The following GRM3 variants were observed in gnomAD, a reference collection of about 807,000 sequenced individuals.
GRM3 encodes the protein metabotropic glutamate receptor 3.
In GRM3, 26 loss-of-function variants were observed where a neutral mutation model predicts 70.5. The observed-to-expected ratio is 0.37, with a 90% CI of 0.27 to 0.51. The LOEUF (loss-of-function observed/expected upper bound fraction) is 0.51, where lower values mean the gene tolerates loss of function less well. GRM3 is among the 20% of genes least tolerant of loss of function. The probability of loss-of-function intolerance (pLI) is 0.93; values close to 1 mark genes in which losing one functional copy is unlikely to be tolerated. For missense variants in GRM3, 859 were observed against 1,123.8 expected, an observed-to-expected ratio of 0.76 and a Z score of 3.37; for synonymous variants, 443 against 434.9, an observed-to-expected ratio of 1.02 and a Z score of -0.23.
intron 3 of GRM3, among the ~76,000 whole-genome samples, chr7:86,812,324 G>A (rs1376486549): frequency 1.3e-5 from 2 of 151,742 alleles, no homozygotes; most frequent in Non-Finnish European, 3.0e-5. Flanking sequence ...GGCAAGGCAA[G>A]GGATTGCCTG....
intron 4 of GRM3, among the ~76,000 whole-genome samples, chr7:86,849,209 C>T (rs1372758351): frequency 6.6e-6 from 1 of 152,020 alleles, no homozygotes; most frequent in East Asian, 1.9e-4. Context: ...ACAAATTGTC[C>T]CAGATTCAGA....
chr7:86,720,829 CTA>C (rs1419800198), intron 1 of GRM3, among the ~76,000 whole-genome samples: 1 of 152,000 alleles, frequency 6.6e-6, no homozygotes, highest in African/African-American at 2.4e-5. Flanking sequence ...AAGCACCTAA[CTA>C]TGGAGCAAGC....
At chr7:86,824,549 G>A (rs765443735) in intron 3 of GRM3, among the ~76,000 whole-genome samples, 23 of 152,118 alleles carry the variant, frequency 1.5e-4, no homozygotes, top group Non-Finnish European at 2.6e-4. Flanking sequence ...AGAGGAGTGG[G>A]TTTCAGGAAC....
At chr7:86,646,897 G>A (rs1288405419) in intron 1 of GRM3, among the ~76,000 whole-genome samples, 2 of 152,108 alleles carry the variant, frequency 1.3e-5, no homozygotes, top group East Asian at 3.9e-4. Flanking sequence ...TTAAAAAGTT[G>A]TGGTATACAT....
chr7:86,839,737 T>C lies in GRM3; in HGVS notation c.2223T>C (p.Leu741=), dbSNP rs1008140574. The C allele has an allele frequency of 6.2e-7, 1 of 1,614,122 alleles. No individual in the cohort carries two copies. The highest frequency in any genetic ancestry group is 1.6e-4 in the Middle Eastern group (1 of 6,062). The change falls in exon 4 of 6, where the codon CTT becomes CTC. Residue 741 remains leucine, a synonymous_variant. Coordinates refer to ENST00000361669, the MANE Select transcript of GRM3 (RefSeq NM_000840.3). This position sits in a 1 kb window ranked among gnomAD's most constrained non-coding sequence, Gnocchi z 4.5. ...AAGATTCCAGCATGTTGATCTCTCT[T>C]ACCTACGATGTGATCCTGGTGATCT... The part of the protein sequence containing the change: ...NVKDSSMLIS[L]TYDVILVILC...
chr7:86,676,559 A>G (rs948102374), intron 1 of GRM3, among the ~76,000 whole-genome samples: 13 of 152,064 alleles, frequency 8.5e-5, no homozygotes, highest in Non-Finnish European at 1.8e-4. Flanking sequence ...ATTTAATGGT[A>G]TAATCAGTGA....
intron 1 of GRM3, among the ~76,000 whole-genome samples, chr7:86,737,656 A>C (rs1584203889): frequency 6.6e-6 from 1 of 152,186 alleles, no homozygotes; most frequent in African/African-American, 2.4e-5. Context: ...AATACATCTG[A>C]AAAAAATTAT....
chr7:86,783,924 AT>A, intron 2 of GRM3, among the ~76,000 whole-genome samples: 1 of 152,326 alleles, frequency 6.6e-6, no homozygotes, highest in Admixed American at 6.5e-5. Flanking sequence ...AACTCACCAA[AT>A]GTGCCTCCTT....
intron 1 of GRM3, among the ~76,000 whole-genome samples, chr7:86,676,055 A>G (rs1455653579): frequency 6.6e-6 from 1 of 151,652 alleles, no homozygotes; most frequent in Non-Finnish European, 1.5e-5. Context: ...GTATTGTCCT[A>G]TTAGGGGAAC....
intron 1 of GRM3, among the ~76,000 whole-genome samples, chr7:86,669,412 T>C (rs976567321): frequency 2.6e-5 from 4 of 152,214 alleles, no homozygotes; most frequent in South Asian, 2.1e-4. Context: ...TGCTCAGACA[T>C]GTCCATAATC....
intron 4 of GRM3, among the ~76,000 whole-genome samples, chr7:86,841,642 A>C (rs1798561373): frequency 6.6e-6 from 1 of 152,152 alleles, no homozygotes; most frequent in East Asian, 1.9e-4. Flanking sequence ...TCCTGGACAT[A>C]TGATTTGAAA....
At chr7:86,845,096 G>T (rs997669442) in intron 4 of GRM3, among the ~76,000 whole-genome samples, 1 of 151,972 alleles carries the variant, frequency 6.6e-6, no homozygotes, top group African/African-American at 2.4e-5. Context: ...CACCATGTTG[G>T]CCAGGCTGGT....
intron 3 of GRM3, among the ~76,000 whole-genome samples, chr7:86,810,200 C>A (rs1359054101): frequency 6.6e-6 from 1 of 151,956 alleles, no homozygotes; most frequent in Non-Finnish European, 1.5e-5. Context: ...GGATGGTTTA[C>A]TCAATCTCAT....
At position 86,864,446 on chromosome 7, in the gene GRM3, C is replaced by T; in HGVS notation, c.*91C>T. On this transcript the variant is annotated 3_prime_UTR_variant, in exon 6 of 6. Transcript: ENST00000361669. ...AGAATATGGAAACAGAGCAAAAGAA[C>T]AACCCTAGTACCTTTTTTTAGAAAC... 2 of 886,574 alleles carry T rather than the reference C, an allele frequency of 2.3e-6. No homozygotes were observed. Among genetic ancestry groups the T allele is most frequent in the South Asian group, 1.3e-5 (1 of 76,498 alleles). 54.9% of individuals were successfully genotyped at this position (886,574 alleles called of 1,614,324 possible).
intron 1 of GRM3, among the ~76,000 whole-genome samples, chr7:86,655,861 G>T (rs199669760): frequency 0.015 from 2,051 of 141,292 alleles, 53 homozygotes; most frequent in African/African-American, 0.049. Context: ...TGGGTGGGTG[G>T]GTGTGTGTGT....
chr7:86,683,017 C>T (rs1346187245), intron 1 of GRM3, among the ~76,000 whole-genome samples: 1 of 152,112 alleles, frequency 6.6e-6, no homozygotes, highest in African/African-American at 2.4e-5. Context: ...CAGATTTGAA[C>T]TGAACAAATC....
chr7:86,756,213 G>A (rs1218431277), intron 1 of GRM3, among the ~76,000 whole-genome samples: 5 of 152,014 alleles, frequency 3.3e-5, no homozygotes, highest in Admixed American at 3.3e-4. Context: ...CAAGTAGCTG[G>A]GATTACAGGC....
chr7:86,839,957 C>T lies in GRM3; in HGVS notation c.2391+52C>T. 1 of 1,042,854 alleles carries T rather than the reference C, an allele frequency of 9.6e-7. No homozygotes were observed. The allele number at this position is 1,042,854 out of a possible 1,614,324, so 64.6% of individuals were successfully genotyped here. ...TCTTGTTCTTTCTCCTCCAGTGTTT[C>T]TTGTGTAGTATTTAAAATAGACTCC... On this transcript the variant is annotated intron_variant, in intron 4 of 5. Coordinates refer to ENST00000361669, the MANE Select transcript of GRM3 (RefSeq NM_000840.3). The surrounding 1 kb of genome is among the most constrained non-coding windows in gnomAD (Gnocchi z 4.5).
rs140980216 is a variant in GRM3, at chr7:86,839,200, C to T, written c.1686C>T (p.Cys562=). 8.1e-4 allele frequency: 1,299 copies of T among 1,613,614 alleles called. 18 individuals carry two copies. In the East Asian group the frequency reaches 0.025, roughly 31 times the overall value. Residue 562 remains cysteine, a synonymous_variant, in exon 4 of 6, where the codon TGC becomes TGT. Coordinates refer to ENST00000361669, the MANE Select transcript of GRM3 (RefSeq NM_000840.3). This position sits in a 1 kb window ranked among gnomAD's most constrained non-coding sequence, Gnocchi z 4.5. The part of the protein sequence containing the change: ...GQWPTADLTG[C]YDLPEDYIRW... Reference sequence around the variant, plus strand: ...GGCCCACTGCAGACCTAACTGGATGCTATGACCTTCCTGAGGACTACATCA... The same window carrying T: ...GGCCCACTGCAGACCTAACTGGATGTTATGACCTTCCTGAGGACTACATCA...
Sources: allele counts gnomAD v4.1 joint callset (sites outside exome capture counted in the v4.1 genomes callset), GRCh38; gene constraint gnomAD v4.1.1; non-coding constraint Gnocchi (gnomAD v3.1); transcripts MANE v1.5; gene names NCBI Gene and HGNC (gene_info 2026-07-23, HGNC 2026-07-21).